The following DGKB variants were observed in gnomAD, a reference collection of about 807,000 sequenced individuals.
The protein encoded by DGKB is 90 kDa diacylglycerol kinase.
Under a neutral mutation model 114.3 loss-of-function variants are expected in DGKB, and 67 were observed. The observed-to-expected ratio is 0.59, with a 90% CI of 0.48 to 0.72. The LOEUF (loss-of-function observed/expected upper bound fraction) is 0.72. DGKB is among the 30% of genes least tolerant of loss of function. The probability of loss-of-function intolerance (pLI) is 0.00; values close to 1 mark genes in which losing one functional copy is unlikely to be tolerated. For synonymous variants in DGKB, 398 were observed against 323.1 expected, an observed-to-expected ratio of 1.23 and a Z score of -2.49; for missense variants, 907 against 975.2, an observed-to-expected ratio of 0.93 and a Z score of 0.93.
chr7:14,965,003 C>T (rs767713296), intron 1 of DGKB, among the ~76,000 whole-genome samples: 4 of 151,962 alleles, frequency 2.6e-5, no homozygotes, highest in Middle Eastern at 6.8e-3. Flanking sequence ...GTGAAAAAAG[C>T]AGAGGTAGAG....
intron 21 of DGKB, among the ~76,000 whole-genome samples, chr7:14,415,249 C>CAT (rs1825520640): frequency 6.6e-6 from 1 of 151,414 alleles, no homozygotes; most frequent in Non-Finnish European, 1.5e-5. Flanking sequence ...AAATGACATT[C>CAT]ATATATATAC....
chr7:14,895,106 G>A (rs576990708), intron 1 of DGKB, among the ~76,000 whole-genome samples: 1 of 151,682 alleles, frequency 6.6e-6, no homozygotes, highest in South Asian at 2.1e-4. Context: ...TGACAGGCAA[G>A]AGAAGTTACT....
intron 20 of DGKB, among the ~76,000 whole-genome samples, chr7:14,482,929 T>C (rs1428645482): frequency 6.6e-6 from 1 of 152,176 alleles, no homozygotes; most frequent in Non-Finnish European, 1.5e-5. Context: ...GCCAGAAGGT[T>C]TTCTTCTTTA....
chr7:14,581,288 A>T (rs2128724156), intron 18 of DGKB, among the ~76,000 whole-genome samples: 1 of 152,326 alleles, frequency 6.6e-6, no homozygotes, highest in South Asian at 2.1e-4. Flanking sequence ...ACAGCATAAG[A>T]TTACAATACA....
intron 23 of DGKB, among the ~76,000 whole-genome samples, chr7:14,288,765 G>A (rs976838474): frequency 5.9e-5 from 9 of 152,070 alleles, no homozygotes; most frequent in Admixed American, 3.9e-4. Context: ...GCATCCAAAT[G>A]TATAGCAAAT....
At chr7:14,915,742 G>T (rs1403547056) in intron 1 of DGKB, among the ~76,000 whole-genome samples, 1 of 151,980 alleles carries the variant, frequency 6.6e-6, no homozygotes, top group African/African-American at 2.4e-5. Context: ...AGGGGAAGAA[G>T]AAATAAAGAC....
intron 1 of DGKB, among the ~76,000 whole-genome samples, chr7:14,902,324 A>G (rs1426011933): frequency 6.6e-6 from 1 of 152,198 alleles, no homozygotes; most frequent in Non-Finnish European, 1.5e-5. Context: ...TTTAGAAAAC[A>G]TTTATCAGTT....
At chr7:14,776,589 G>GGC (rs1838230505) in intron 2 of DGKB, among the ~76,000 whole-genome samples, 1 of 152,218 alleles carries the variant, frequency 6.6e-6, no homozygotes, top group African/African-American at 2.4e-5. Context: ...CCGAAGCCTT[G>GGC]TTAGCTTCCA....
At chr7:14,320,400 T>A (rs1257007162) in intron 23 of DGKB, among the ~76,000 whole-genome samples, 1 of 151,990 alleles carries the variant, frequency 6.6e-6, no homozygotes, top group African/African-American at 2.4e-5. Context: ...GAGCTTGTTC[T>A]CAGTTGACAT....
rs562660597 is a variant in DGKB, at chr7:14,220,856, A to G, written c.2123-42705T>C. Among the ~76,000 whole-genome samples, 11 of 151,530 alleles carry G rather than the reference A, an allele frequency of 7.3e-5. No individual in the cohort carries two copies. The South Asian group carries it at 2.3e-3, about 31-fold the overall frequency. ...TCTTTTAATTTTTTAAAATTTTTAA[A>G]AATTTCTTTCAATGATGTTTTGCAG... On this transcript the variant is annotated intron_variant, in intron 23 of 25. Transcript: ENST00000402815.
intron 23 of DGKB, among the ~76,000 whole-genome samples, chr7:14,208,726 G>T (rs4721311): frequency 0.46 from 69,406 of 151,576 alleles, 18,855 homozygotes; most frequent in African/African-American, 0.76. Context: ...TAGCCTTCTC[G>T]CTTTGGTTTT....
chr7:14,483,231 T>C (rs1783259330), intron 20 of DGKB, among the ~76,000 whole-genome samples: 2 of 152,178 alleles, frequency 1.3e-5, no homozygotes, highest in Non-Finnish European at 2.9e-5. Flanking sequence ...GACCCCTCTC[T>C]ACATTGCACT....
intron 2 of DGKB, among the ~76,000 whole-genome samples, chr7:14,774,025 TTTGA>T (rs1422248562): frequency 2.3e-4 from 35 of 152,190 alleles, no homozygotes; most frequent in Admixed American, 3.9e-4. Flanking sequence ...TTGGTTTTTG[TTTGA>T]TTGTTTGTTT....
intron 2 of DGKB, among the ~76,000 whole-genome samples, chr7:14,763,066 T>C (rs1423020576): frequency 6.6e-6 from 1 of 152,146 alleles, no homozygotes; most frequent in African/African-American, 2.4e-5. Flanking sequence ...AGTTATTTTC[T>C]GTATCTTCCA....
intron 19 of DGKB, among the ~76,000 whole-genome samples, chr7:14,575,368 A>T (rs1798968846): frequency 6.6e-6 from 1 of 152,218 alleles, no homozygotes; most frequent in Non-Finnish European, 1.5e-5. Flanking sequence ...TGAATATATG[A>T]TAGACGGTCA....
intron 17 of DGKB, among the ~76,000 whole-genome samples, chr7:14,599,900 G>T (rs560904529): frequency 6.6e-6 from 1 of 152,216 alleles, no homozygotes; most frequent in Admixed American, 6.5e-5. Context: ...CAGTAAATGG[G>T]AGGATATTTA....
In DGKB at chr7:14,915,575, T is replaced by C. The variant is rs541884474; in HGVS notation, c.-188+59121A>G. 2.6e-5 allele frequency among the ~76,000 whole-genome samples: 4 copies of C among 151,994 alleles called. No individual in the cohort carries two copies. In the South Asian group the frequency reaches 6.2e-4, roughly 24 times the overall value. On this transcript the variant is annotated intron_variant, in intron 1 of 4. Transcript: ENST00000437998. ...GAAAATATTGACAAATGTGAGAAAA[T>C]AAATGCTTTGCCTATAGAAGAACAA...
At position 14,446,863 on chromosome 7, in the gene DGKB, CAAGA is replaced by C. The variant is rs368076115; in HGVS notation, c.1835+31294_1835+31297del. ...CTAGGCAGATAGAGAGGGAGAGTTT[CAAGA>C]GAGAGACGGTGCCTATGGGAATGCA... On this transcript the variant is annotated intron_variant, in intron 21 of 25. Transcript: ENST00000402815. Among the ~76,000 whole-genome samples the C allele has an allele frequency of 4.1e-3, 628 of 152,150 alleles. 4 individuals are homozygous for C. Among genetic ancestry groups the C allele is most frequent in the African/African-American group, 0.015 (610 of 41,528 alleles).
chr7:14,879,410 A>G (rs1046124448), intron 1 of DGKB, among the ~76,000 whole-genome samples: 1 of 152,194 alleles, frequency 6.6e-6, no homozygotes, highest in Non-Finnish European at 1.5e-5. Context: ...TTTGCTCTTT[A>G]AATATAAAAA....
Sources: allele counts gnomAD v4.1 joint callset (sites outside exome capture counted in the v4.1 genomes callset), GRCh38; gene constraint gnomAD v4.1.1; transcripts MANE v1.5; gene names NCBI Gene and HGNC (gene_info 2026-07-23, HGNC 2026-07-21).